The following PARD3B variants were observed in gnomAD, a reference collection of about 807,000 sequenced individuals.
The protein encoded by PARD3B is par-3 family cell polarity regulator beta, also known as partitioning defective 3 homolog B.
In PARD3B, 103 loss-of-function variants were observed where a neutral mutation model predicts 130.2. The ratio of observed to expected loss-of-function variants is 0.79; its 90% CI spans 0.67 to 0.93. The LOEUF (loss-of-function observed/expected upper bound fraction) is 0.93, where lower values mean the gene tolerates loss of function less well. Among genes scored for constraint, PARD3B ranks in the 40% least tolerant of loss-of-function variants. The pLI is 0.00. For missense variants in PARD3B, 1,609 were observed against 1,499.2 expected, an observed-to-expected ratio of 1.07 and a Z score of -1.21; for synonymous variants, 583 against 553.2, an observed-to-expected ratio of 1.05 and a Z score of -0.76.
At chr2:204,813,738 G>C in intron 2 of PARD3B, among the ~76,000 whole-genome samples, 1 of 151,956 alleles carries the variant, frequency 6.6e-6, no homozygotes, top group South Asian at 2.1e-4. Flanking sequence ...TGGATATTCA[G>C]CTGCTTGAGA....
At chr2:204,863,569 G>A (rs1401449729) in intron 2 of PARD3B, among the ~76,000 whole-genome samples, 1 of 152,196 alleles carries the variant, frequency 6.6e-6, no homozygotes, top group Non-Finnish European at 1.5e-5. Context: ...GCCTGGCTAA[G>A]GAATCTAACC....
intron 18 of PARD3B, among the ~76,000 whole-genome samples, chr2:205,357,599 C>G (rs1332174670): frequency 6.6e-5 from 10 of 151,904 alleles, no homozygotes; most frequent in Admixed American, 6.6e-4. Flanking sequence ...ATGAAAGATT[C>G]TGAAGTTTTG....
intron 12 of PARD3B, among the ~76,000 whole-genome samples, chr2:205,173,189 T>C (rs1459011469): frequency 6.6e-6 from 1 of 152,154 alleles, no homozygotes; most frequent in Admixed American, 6.5e-5. Context: ...AATAAAATAA[T>C]ATACAAAATT....
intron 2 of PARD3B, among the ~76,000 whole-genome samples, chr2:204,855,183 G>A (rs562422306): frequency 2.0e-5 from 3 of 152,254 alleles, no homozygotes; most frequent in African/African-American, 7.2e-5. Context: ...AAGTATTTGG[G>A]ATTACAGCCA....
intron 20 of PARD3B, among the ~76,000 whole-genome samples, chr2:205,464,327 T>C (rs1288615152): frequency 6.6e-6 from 1 of 152,200 alleles, no homozygotes; most frequent in African/African-American, 2.4e-5. Flanking sequence ...AGTTGGTTAG[T>C]AGACTAGGAA....
chr2:204,865,903 G>A (rs1006586831), intron 2 of PARD3B, among the ~76,000 whole-genome samples: 2 of 152,148 alleles, frequency 1.3e-5, no homozygotes, highest in African/African-American at 4.8e-5. Context: ...ATGGACCTGT[G>A]CTCTTGTTGC....
chr2:204,901,088 G>T (rs897022465), intron 2 of PARD3B, among the ~76,000 whole-genome samples: 1 of 152,100 alleles, frequency 6.6e-6, no homozygotes, highest in Non-Finnish European at 1.5e-5. Flanking sequence ...CCCAAGACCT[G>T]TGATAACCAC....
At chr2:204,719,384 T>A (rs964439117) in intron 2 of PARD3B, among the ~76,000 whole-genome samples, 2 of 152,230 alleles carry the variant, frequency 1.3e-5, no homozygotes, top group African/African-American at 4.8e-5. Context: ...TTTTTAAAAT[T>A]AAAGTTGATA....
intron 3 of PARD3B, among the ~76,000 whole-genome samples, chr2:205,014,974 A>C (rs1169299900): frequency 6.6e-6 from 1 of 152,196 alleles, no homozygotes; most frequent in East Asian, 1.9e-4. Context: ...TTAGCACCTC[A>C]CATTATGCAG....
intron 1 of PARD3B, among the ~76,000 whole-genome samples, chr2:204,562,037 C>T (rs1300511051): frequency 1.3e-5 from 2 of 152,180 alleles, no homozygotes; most frequent in African/African-American, 4.8e-5. Flanking sequence ...TATTTGCCTG[C>T]ATGACTCAGT....
chr2:204,956,969 T>A (rs1030159715), intron 2 of PARD3B, among the ~76,000 whole-genome samples: 1 of 152,170 alleles, frequency 6.6e-6, no homozygotes, highest in East Asian at 1.9e-4. Flanking sequence ...CATGGCACCC[T>A]TTGCCCTACC....
chr2:204,604,950 C>A (rs1208875609), intron 1 of PARD3B, among the ~76,000 whole-genome samples: 1 of 152,084 alleles, frequency 6.6e-6, no homozygotes, highest in Non-Finnish European at 1.5e-5. Context: ...AACTCACATG[C>A]CTGGCCCCTT....
intron 2 of PARD3B, among the ~76,000 whole-genome samples, chr2:204,711,261 C>G (rs926927401): frequency 6.6e-5 from 10 of 152,136 alleles, no homozygotes; most frequent in African/African-American, 2.2e-4. Context: ...AGAATACTGA[C>G]ACTGCTTGTT....
At position 204,669,554 on chromosome 2, in the gene PARD3B, C is replaced by T. The variant is rs962290535; in HGVS notation, c.121-16627C>T. Among the ~76,000 whole-genome samples, 3 of 152,018 alleles carry T rather than the reference C, an allele frequency of 2.0e-5. No individual in the cohort carries two copies. Among genetic ancestry groups the T allele is most frequent in the Non-Finnish European group, 2.9e-5 (2 of 68,012 alleles). ...TCTTGTTTGAATGGTTTAGTAGTTACGACATTGGCATTGTTAGGAATGACA... is the reference window on the plus strand; with the variant it reads ...TCTTGTTTGAATGGTTTAGTAGTTATGACATTGGCATTGTTAGGAATGACA... On this transcript the variant is annotated intron_variant, in intron 1 of 22. Transcript: ENST00000406610. This position sits in a 1 kb window ranked among gnomAD's most constrained non-coding sequence, Gnocchi z 4.3.
chr2:205,219,866 G>C (rs1351305236), intron 15 of PARD3B, among the ~76,000 whole-genome samples: 6 of 152,162 alleles, frequency 3.9e-5, no homozygotes, highest in African/African-American at 7.2e-5. Flanking sequence ...GCCATGAAGA[G>C]AGCAGACATG....
rs570460547 is a variant in PARD3B, at chr2:205,279,696, C to T, written c.2186-20834C>T. The stretch of plus-strand genomic sequence containing the variant: ...GTCATGGCATGCAGGAGTCTCCAAG[C>T]GGGAAAGGTTGCTTTTGATGGTTCA... On this transcript the variant is annotated intron_variant, in intron 16 of 22. Transcript: ENST00000406610. Among the ~76,000 whole-genome samples, 40 of 152,178 alleles carry T rather than the reference C, an allele frequency of 2.6e-4. No homozygotes were observed. The South Asian group carries it at 6.8e-3, about 26-fold the overall frequency.
chr2:204,967,578 A>G lies in PARD3B; in HGVS notation c.394+2255A>G, dbSNP rs72940490. Among the ~76,000 whole-genome samples the G allele has an allele frequency of 1.3e-5, 2 of 152,348 alleles. No homozygotes were observed. The highest frequency in any genetic ancestry group is 2.4e-5 in the African/African-American group (1 of 41,584). On this transcript the variant is annotated intron_variant, in intron 3 of 22. Coordinates refer to ENST00000406610, the MANE Select transcript of PARD3B (RefSeq NM_001302769.2). The surrounding 1 kb of genome is among the most constrained non-coding windows in gnomAD (Gnocchi z 4.4). Reference sequence around the variant, plus strand: ...CTGAATCAGCAGGAGAAATTTGGGCAAGGATGAATGACGTAAAAAAATCAT... The same window carrying G: ...CTGAATCAGCAGGAGAAATTTGGGCGAGGATGAATGACGTAAAAAAATCAT...
At chr2:204,838,599 A>G (rs370451699) in intron 2 of PARD3B, among the ~76,000 whole-genome samples, 1 of 152,144 alleles carries the variant, frequency 6.6e-6, no homozygotes. Flanking sequence ...TTTTTGAGCT[A>G]TGGGTACACA....
chr2:205,455,730 C>T (rs1437640765), intron 20 of PARD3B, among the ~76,000 whole-genome samples: 1 of 151,838 alleles, frequency 6.6e-6, no homozygotes, highest in Non-Finnish European at 1.5e-5. Context: ...TTGAGAAGTT[C>T]CTTGTACCCT....
Sources: allele counts gnomAD v4.1 joint callset (sites outside exome capture counted in the v4.1 genomes callset), GRCh38; gene constraint gnomAD v4.1.1; non-coding constraint Gnocchi (gnomAD v3.1); transcripts MANE v1.5; gene names NCBI Gene and HGNC (gene_info 2026-07-23, HGNC 2026-07-21).